GALNT18: variants seen among roughly 807,000 people sequenced by gnomAD.
The protein encoded by GALNT18 is polypeptide N-acetylgalactosaminyltransferase 18.
GALNT18 carries 44 observed loss-of-function variants against 69.5 expected under a neutral mutation model. The ratio of observed to expected loss-of-function variants is 0.63; its 90% CI spans 0.50 to 0.81. The LOEUF (loss-of-function observed/expected upper bound fraction) is 0.81. Among genes scored for constraint, GALNT18 ranks in the 40% least tolerant of loss-of-function variants. GALNT18 has a pLI of 0.00. For missense variants in GALNT18, 715 were observed against 810.0 expected (o/e 0.88, Z 1.42); for synonymous variants, 364 against 318.2 (o/e 1.14, Z -1.53).
rs1859547478 is a variant in GALNT18, at chr11:11,598,206, A to T, written c.235+23153T>A. On this transcript the variant is annotated intron_variant, in intron 1 of 10. Transcript: ENST00000227756. The surrounding 1 kb of genome is among the most constrained non-coding windows in gnomAD (Gnocchi z 4.8). ...ACTATAATCTATAATAAATTACTAT[A>T]ATCTATAATAATCTATAACAAATTA... Among the ~76,000 whole-genome samples, 1 of 151,934 alleles carries T rather than the reference A, an allele frequency of 6.6e-6. No homozygotes were observed. The highest frequency in any genetic ancestry group is 1.5e-5 in the Non-Finnish European group (1 of 68,028).
chr11:11,456,921 AG>A (rs1855937067), intron 1 of GALNT18, among the ~76,000 whole-genome samples: 1 of 152,218 alleles, frequency 6.6e-6, no homozygotes, highest in Admixed American at 6.5e-5. Context: ...ACATCCTGAC[AG>A]GTCCATGCTA....
At chr11:11,366,440 G>A (rs1422895538) in intron 6 of GALNT18, among the ~76,000 whole-genome samples, 3 of 152,178 alleles carry the variant, frequency 2.0e-5, no homozygotes, top group African/African-American at 7.2e-5. Flanking sequence ...AGAACTGTAT[G>A]AAGTAATTAA....
At position 11,591,508 on chromosome 11, in the gene GALNT18, T is replaced by C. The variant is rs1003932994; in HGVS notation, c.235+29851A>G. On this transcript the variant is annotated intron_variant, in intron 1 of 10. Coordinates refer to ENST00000227756, the MANE Select transcript of GALNT18 (RefSeq NM_198516.3). This position sits in a 1 kb window ranked among gnomAD's most constrained non-coding sequence, Gnocchi z 4.8. The stretch of plus-strand genomic sequence containing the variant: ...TTCCAATCACATCCTTCCAATTTTA[T>C]AGGCAAGTGGGGAGGGAGACCATAA... Among the ~76,000 whole-genome samples the C allele has an allele frequency of 1.3e-5, 2 of 152,196 alleles. No homozygotes were observed. The highest frequency in any genetic ancestry group is 1.5e-5 in the Non-Finnish European group (1 of 68,032).
chr11:11,419,585 A>C (rs1476392785), intron 3 of GALNT18, among the ~76,000 whole-genome samples: 3 of 136,640 alleles, frequency 2.2e-5, no homozygotes, highest in African/African-American at 2.8e-5. Flanking sequence ...CAACAAAGCA[A>C]GATCCTGTCT....
chr11:11,577,168 C>T (rs976557621), intron 1 of GALNT18, among the ~76,000 whole-genome samples: 1 of 152,212 alleles, frequency 6.6e-6, no homozygotes, highest in Non-Finnish European at 1.5e-5. Flanking sequence ...AACGTATGTG[C>T]TGCATTCAGC....
chr11:11,380,786 A>G (rs947582636), intron 3 of GALNT18, among the ~76,000 whole-genome samples: 1 of 152,162 alleles, frequency 6.6e-6, no homozygotes, highest in African/African-American at 2.4e-5. Context: ...GATTTCCACT[A>G]TTTCTTTGGA....
rs1158290164 is a variant in GALNT18, at chr11:11,620,351, A to ATGTG, written c.235+1007_235+1008insCACA. On this transcript the variant is annotated intron_variant, in intron 1 of 10. Transcript: ENST00000227756. This position sits in a 1 kb window ranked among gnomAD's most constrained non-coding sequence, Gnocchi z 6.9. ...CGCGCGCGTGTGTGTGTGTGTGTGC[A>ATGTG]CACCCGGCACCAGTGCTCCTGGCGC... 9.9e-5 allele frequency among the ~76,000 whole-genome samples: 15 copies of ATGTG among 151,216 alleles called. No homozygotes were observed. The highest frequency in any genetic ancestry group is 3.4e-4 in the African/African-American group (14 of 40,934).
At chr11:11,367,375 A>G in intron 6 of GALNT18, among the ~76,000 whole-genome samples, 1 of 152,244 alleles carries the variant, frequency 6.6e-6, no homozygotes. Flanking sequence ...AATGCCAGTA[A>G]GAAACCCCAA....
intron 1 of GALNT18, among the ~76,000 whole-genome samples, chr11:11,575,569 A>G (rs1858905455): frequency 6.6e-6 from 1 of 152,174 alleles, no homozygotes; most frequent in African/African-American, 2.4e-5. Context: ...GATGACTTCA[A>G]AATTCCTTTC....
chr11:11,371,830 G>A lies in GALNT18; in HGVS notation c.1092+685C>T, dbSNP rs541426636. On this transcript the variant is annotated intron_variant, in intron 6 of 10. Transcript: ENST00000227756. ...TCATCATAGATTTATGTTTTCACCGGCCAAGGGGGAAGAGCCAGAAAGCCT... is the reference window on the plus strand; with the variant it reads ...TCATCATAGATTTATGTTTTCACCGACCAAGGGGGAAGAGCCAGAAAGCCT... Among the ~76,000 whole-genome samples, 18 of 152,296 alleles carry A rather than the reference G, an allele frequency of 1.2e-4. 1 individual carries two copies. The highest frequency in any genetic ancestry group is 4.1e-4 in the African/African-American group (17 of 41,566).
intron 1 of GALNT18, among the ~76,000 whole-genome samples, chr11:11,572,131 G>T (rs577252655): frequency 6.6e-6 from 1 of 152,252 alleles, no homozygotes; most frequent in Non-Finnish European, 1.5e-5. Context: ...GCCGCAGGGC[G>T]TGGGCATCAT....
intron 1 of GALNT18, among the ~76,000 whole-genome samples, chr11:11,561,738 T>C (rs114652502): frequency 7.4e-4 from 113 of 152,280 alleles, no homozygotes; most frequent in African/African-American, 2.5e-3. Flanking sequence ...AGGTCCTGCT[T>C]CCAGAAATCC....
intron 9 of GALNT18, among the ~76,000 whole-genome samples, chr11:11,293,533 C>CTTTT (rs34166465): frequency 0.024 from 1,948 of 79,822 alleles, 49 homozygotes; most frequent in Non-Finnish European, 0.033. Context: ...ACAAACCCCT[C>CTTTT]TTTTTTTTTT....
chr11:11,322,684 T>A (rs898757178), intron 9 of GALNT18, among the ~76,000 whole-genome samples: 2 of 152,220 alleles, frequency 1.3e-5, no homozygotes, highest in South Asian at 4.1e-4. Context: ...AACTCTAATA[T>A]AAAGCTGGGA....
At chr11:11,294,916 C>T (rs1434599983) in intron 9 of GALNT18, among the ~76,000 whole-genome samples, 1 of 151,692 alleles carries the variant, frequency 6.6e-6, no homozygotes, top group South Asian at 2.1e-4. Context: ...ACCAAGATAC[C>T]ACACTTTTCC....
At chr11:11,556,627 A>G (rs1025206795) in intron 1 of GALNT18, among the ~76,000 whole-genome samples, 1 of 152,236 alleles carries the variant, frequency 6.6e-6, no homozygotes, top group Non-Finnish European at 1.5e-5. Context: ...GCAACTGCAA[A>G]CCAAACTTGC....
At chr11:11,429,012 G>A (rs1215545342) in intron 3 of GALNT18, among the ~76,000 whole-genome samples, 2 of 152,032 alleles carry the variant, frequency 1.3e-5, no homozygotes, top group Non-Finnish European at 2.9e-5. Flanking sequence ...GCCTGAGCTT[G>A]TGATTCTCCT....
intron 3 of GALNT18, among the ~76,000 whole-genome samples, chr11:11,390,739 C>T (rs1202975811): frequency 6.6e-6 from 1 of 152,186 alleles, no homozygotes; most frequent in African/African-American, 2.4e-5. Context: ...CCATGAAGGA[C>T]CAGTGAAAAA....
chr11:11,316,326 G>A (rs1279840696), intron 9 of GALNT18, among the ~76,000 whole-genome samples: 1 of 152,148 alleles, frequency 6.6e-6, no homozygotes, highest in Non-Finnish European at 1.5e-5. Context: ...CCACAGAGAA[G>A]TGGCTAGACA....
Sources: gnomAD v4.1 joint callset for allele counts (sites outside exome capture counted in the v4.1 genomes callset) on GRCh38, gnomAD v4.1.1 for gene constraint, Gnocchi (gnomAD v3.1) non-coding constraint, MANE v1.5 for transcripts, NCBI Gene and HGNC (gene_info 2026-07-23, HGNC 2026-07-21) for gene names.